Variants in IFT56 observed in about 807,000 individuals in gnomAD.
The protein encoded by IFT56 is intraflagellar transport 56.
At chr7:139,168,392 G>A in the IFT56 span, 2 of 1,611,208 alleles carry the variant, frequency 1.2e-6, no homozygotes, top group South Asian at 2.2e-5. Context: ...CCAGGAAATG[G>A]GTTCAGTGAG....
At chr7:139,159,782 G>A in the IFT56 span, among the ~76,000 whole-genome samples, 1 of 151,634 alleles carries the variant, frequency 6.6e-6, no homozygotes, top group Admixed American at 6.6e-5. Context: ...TGTGTAGTGG[G>A]GTTTATTATT....
chr7:139,169,811 G>C, the IFT56 span, among the ~76,000 whole-genome samples: 1 of 152,116 alleles, frequency 6.6e-6, no homozygotes, highest in African/African-American at 2.4e-5. Context: ...AGGAGTTCAG[G>C]ACCAGCCTGG....
the IFT56 span, chr7:139,174,021 A>C: frequency 1.6e-6 from 1 of 615,710 alleles, no homozygotes; most frequent in East Asian, 3.9e-5. Flanking sequence ...ATCAATGAGG[A>C]GGCCTTTTAA....
At chr7:139,165,146 A>C in the IFT56 span, 12 of 1,612,918 alleles carry the variant, frequency 7.4e-6, no homozygotes, top group Admixed American at 1.7e-5. Context: ...TTTTCCGAGG[A>C]GGTGAAGGGG....
At chr7:139,159,467 G>GA in the IFT56 span, among the ~76,000 whole-genome samples, 1 of 152,072 alleles carries the variant, frequency 6.6e-6, no homozygotes, top group African/African-American at 2.4e-5. Context: ...AAAGTTCATA[G>GA]AAAATTCTGT....
At chr7:139,147,079 G>C in the IFT56 span, 9 of 1,599,780 alleles carry the variant, frequency 5.6e-6, no homozygotes, top group Non-Finnish European at 6.8e-6. Flanking sequence ...CTATCACATA[G>C]ATATTGATTT....
the IFT56 span, among the ~76,000 whole-genome samples, chr7:139,184,697 C>A: frequency 6.6e-5 from 10 of 152,002 alleles, no homozygotes; most frequent in Admixed American, 3.3e-4. Context: ...TTGCTTAAGG[C>A]CAGGAGTTCA....
At chr7:139,174,852 CT>C in the IFT56 span, among the ~76,000 whole-genome samples, 1 of 152,010 alleles carries the variant, frequency 6.6e-6, no homozygotes, top group Non-Finnish European at 1.5e-5. Flanking sequence ...GAAACTCCAT[CT>C]CTACTAAAAA....
At chr7:139,181,069 C>A in the IFT56 span, 1 of 1,475,550 alleles carries the variant, frequency 6.8e-7, no homozygotes, top group Non-Finnish European at 9.4e-7. Flanking sequence ...CATTTGTTTA[C>A]AAATCTTTGT....
At chr7:139,189,683 AT>A in the IFT56 span, 1,107 of 279,262 alleles carry the variant, frequency 4.0e-3, 15 homozygotes, top group African/African-American at 0.023. Context: ...TCTTCCAAAA[AT>A]GCTCAGAGTA....
chr7:139,163,412 A>G, the IFT56 span, among the ~76,000 whole-genome samples: 1 of 152,318 alleles, frequency 6.6e-6, no homozygotes, highest in Admixed American at 6.5e-5. Flanking sequence ...CATCCGTGTC[A>G]AAACTGCAGA....
chr7:139,174,335 A>T, the IFT56 span: 375 of 540,656 alleles, frequency 6.9e-4, no homozygotes, highest in Non-Finnish European at 1.1e-3. Flanking sequence ...GAGAGATTTA[A>T]CATGAAGACA....
chr7:139,191,749 T>C, the IFT56 span: 2 of 152,204 alleles, frequency 1.3e-5, no homozygotes, highest in East Asian at 3.8e-4. Context: ...AGTTTCAAGA[T>C]TGCAAAGTAG....
At chr7:139,154,581 G>A in the IFT56 span, among the ~76,000 whole-genome samples, 1 of 152,026 alleles carries the variant, frequency 6.6e-6, no homozygotes, top group Non-Finnish European at 1.5e-5. Flanking sequence ...AGCACCATTT[G>A]TTGAAGAGAC....
chr7:139,178,290 C>T, the IFT56 span: 2 of 1,612,412 alleles, frequency 1.2e-6, no homozygotes, highest in Non-Finnish European at 1.7e-6. Flanking sequence ...TGATTTACCT[C>T]AACTCATTTA....
chr7:139,176,078 C>T, the IFT56 span, among the ~76,000 whole-genome samples: 1 of 151,946 alleles, frequency 6.6e-6, no homozygotes. Context: ...CTCAGCCTCC[C>T]AAAGTGCTGG....
chr7:139,186,669 T>C, the IFT56 span, among the ~76,000 whole-genome samples: 2 of 152,034 alleles, frequency 1.3e-5, no homozygotes, highest in African/African-American at 4.8e-5. Context: ...TTGAACATGA[T>C]CAAATTAGCA....
At chr7:139,157,790 G>A in the IFT56 span, among the ~76,000 whole-genome samples, 34 of 152,144 alleles carry the variant, frequency 2.2e-4, no homozygotes, top group Non-Finnish European at 4.0e-4. Context: ...ACAGGCATAA[G>A]CCACCATGCT....
At chr7:139,173,525 G>T in the IFT56 span, 187 of 760,816 alleles carry the variant, frequency 2.5e-4, no homozygotes, top group Admixed American at 6.4e-4. Context: ...CACCGCACCC[G>T]GCAAAGTCAC....
Sources: allele counts gnomAD v4.1 joint callset (sites outside exome capture counted in the v4.1 genomes callset), GRCh38; gene constraint gnomAD v4.1.1; transcripts MANE v1.5; gene names NCBI Gene and HGNC (gene_info 2026-07-23, HGNC 2026-07-21).